Variants in TMEM232 observed in about 807,000 individuals in gnomAD.
TMEM232 encodes the protein transmembrane protein 232.
In TMEM232, 80 loss-of-function variants were observed where a neutral mutation model predicts 78.8. The observed-to-expected ratio is 1.01, with a 90% confidence interval of 0.85 to 1.22. The LOEUF (loss-of-function observed/expected upper bound fraction) is 1.22, where lower values mean the gene tolerates loss of function less well. Ranked by LOEUF, TMEM232 falls within the 50% of genes most tolerant of loss-of-function variation. The probability of loss-of-function intolerance (pLI) is 0.00; values close to 1 mark genes in which losing one functional copy is unlikely to be tolerated. For synonymous variants in TMEM232, 297 were observed against 254.3 expected (o/e 1.17, Z -1.60); for missense variants, 881 against 742.2 (o/e 1.19, Z -2.17).
intron 2 of TMEM232, among the ~76,000 whole-genome samples, chr5:110,663,435 T>C (rs1029190010): frequency 6.6e-6 from 1 of 151,996 alleles, no homozygotes; most frequent in Admixed American, 6.6e-5. Context: ...AGATATTTAG[T>C]AGCATAGTTA....
At chr5:110,636,113 A>G (rs2149994519) in intron 5 of TMEM232, among the ~76,000 whole-genome samples, 1 of 152,150 alleles carries the variant, frequency 6.6e-6, no homozygotes, top group African/African-American at 2.4e-5. Flanking sequence ...TTGCAGTAAT[A>G]TGGATGGAAC....
intron 11 of TMEM232, among the ~76,000 whole-genome samples, chr5:110,556,359 C>CCTTCCCTTCCCCTTCCTT (rs749422538): frequency 2.2e-5 from 3 of 136,276 alleles, no homozygotes; most frequent in Admixed American, 1.4e-4. Context: ...CCTTCCCTTC[C>CCTTCCCTTCCCCTTCCTT]CCTTCCTTCC....
intron 1 of TMEM232, among the ~76,000 whole-genome samples, chr5:110,687,338 T>G (rs1793543732): frequency 6.6e-6 from 1 of 152,166 alleles, no homozygotes; most frequent in East Asian, 1.9e-4. Flanking sequence ...TCAGGGCAAC[T>G]TGAATCTGTC....
At chr5:110,616,154 A>C (rs945332568) in intron 8 of TMEM232, among the ~76,000 whole-genome samples, 1 of 152,058 alleles carries the variant, frequency 6.6e-6, no homozygotes, top group Non-Finnish European at 1.5e-5. Flanking sequence ...GAAACATTGC[A>C]AAACTGGATT....
chr5:110,605,040 G>A, intron 10 of TMEM232, 69 bp downstream of exon 10: 1 of 1,385,134 alleles, frequency 7.2e-7, no homozygotes, highest in East Asian at 2.5e-5. Context: ...TGAGTAGAAT[G>A]CTTATTACTA....
chr5:110,499,998 G>A (rs1232477493), intron 12 of TMEM232, among the ~76,000 whole-genome samples: 1 of 152,064 alleles, frequency 6.6e-6, no homozygotes, highest in South Asian at 2.1e-4. Context: ...ACATTTTAAA[G>A]GTTTAATTAT....
intron 1 of TMEM232, among the ~76,000 whole-genome samples, chr5:110,683,463 C>T (rs1472373716): frequency 1.3e-5 from 2 of 151,580 alleles, no homozygotes; most frequent in East Asian, 3.9e-4. Context: ...GATGTTTAAA[C>T]AACCAAAAAA....
chr5:110,475,160 A>C (rs1234045807), intron 12 of TMEM232, among the ~76,000 whole-genome samples: 1 of 152,010 alleles, frequency 6.6e-6, no homozygotes, highest in African/African-American at 2.4e-5. Context: ...AACAATAGAG[A>C]GTCCAGCAAC....
chr5:110,476,239 A>G (rs1398884913), intron 12 of TMEM232, among the ~76,000 whole-genome samples: 3 of 151,986 alleles, frequency 2.0e-5, no homozygotes, highest in Non-Finnish European at 4.4e-5. Flanking sequence ...TTTAAAAGGT[A>G]ATTAATGTTA....
At chr5:110,519,697 T>C (rs1047645794) in intron 12 of TMEM232, among the ~76,000 whole-genome samples, 1 of 151,942 alleles carries the variant, frequency 6.6e-6, no homozygotes, top group African/African-American at 2.4e-5. Flanking sequence ...ACTGTTACAA[T>C]AGCCAAAATT....
At position 110,664,894 on chromosome 5, in the gene TMEM232, T is replaced by C. The variant is rs1269386492; in HGVS notation, c.125+2334A>G. 7.9e-5 allele frequency among the ~76,000 whole-genome samples: 12 copies of C among 152,344 alleles called. No homozygotes were observed. The East Asian group carries it at 2.3e-3, about 29-fold the overall frequency. Reference sequence around the variant, plus strand: ...CCATCACATTGGGTTACAATTTCACTTTGTTAACTCCAGGGCTTTTCAAAT... The same window carrying C: ...CCATCACATTGGGTTACAATTTCACCTTGTTAACTCCAGGGCTTTTCAAAT... On this transcript the variant is annotated intron_variant, in intron 2 of 13. Transcript: ENST00000455884.
intron 2 of TMEM232, among the ~76,000 whole-genome samples, chr5:110,414,098 G>C (rs903407553): frequency 2.6e-5 from 4 of 152,200 alleles, no homozygotes; most frequent in Admixed American, 6.5e-5. Context: ...TTTGGGGAAT[G>C]CTCTTTCCTC....
chr5:110,394,206 G>A (rs1228280819), intron 3 of TMEM232, among the ~76,000 whole-genome samples: 3 of 151,982 alleles, frequency 2.0e-5, no homozygotes, highest in Non-Finnish European at 4.4e-5. Flanking sequence ...GTGAAGTTTT[G>A]TGTCTTTCTG....
chr5:110,528,375 A>G (rs914888835), intron 12 of TMEM232, among the ~76,000 whole-genome samples: 4 of 151,954 alleles, frequency 2.6e-5, no homozygotes, highest in African/African-American at 9.7e-5. Flanking sequence ...ATTGATTTAT[A>G]TTATGTAATA....
intron 12 of TMEM232, among the ~76,000 whole-genome samples, chr5:110,507,456 A>G (rs1767044738): frequency 6.6e-6 from 1 of 152,198 alleles, no homozygotes; most frequent in Non-Finnish European, 1.5e-5. Context: ...GGCTGATAAT[A>G]AATCTGGAAA....
At chr5:110,619,010 T>C (rs1025131720) in intron 7 of TMEM232, among the ~76,000 whole-genome samples, 1 of 152,252 alleles carries the variant, frequency 6.6e-6, no homozygotes, top group Admixed American at 6.5e-5. Context: ...ACATCGTCAA[T>C]GTCTGTTAAG....
intron 11 of TMEM232, among the ~76,000 whole-genome samples, chr5:110,546,152 C>T (rs970719706): frequency 2.2e-4 from 33 of 151,794 alleles, no homozygotes; most frequent in African/African-American, 8.0e-4. Flanking sequence ...CAAGAGGCAT[C>T]AAATTTTATG....
At chr5:110,412,945 T>G (rs971650789) in intron 2 of TMEM232, among the ~76,000 whole-genome samples, 1 of 152,188 alleles carries the variant, frequency 6.6e-6, no homozygotes, top group Non-Finnish European at 1.5e-5. Context: ...TGTTTCATCA[T>G]CCCCTTGCAA....
At chr5:110,570,094 G>T (rs1390566553) in intron 10 of TMEM232, among the ~76,000 whole-genome samples, 2 of 151,840 alleles carry the variant, frequency 1.3e-5, no homozygotes, top group East Asian at 3.9e-4. Context: ...CCAATTTTAA[G>T]GTATCATCTA....
Sources: gnomAD v4.1 joint callset for allele counts (sites outside exome capture counted in the v4.1 genomes callset) on GRCh38, gnomAD v4.1.1 for gene constraint, MANE v1.5 for transcripts, NCBI Gene and HGNC (gene_info 2026-07-23, HGNC 2026-07-21) for gene names.